Variants in XKR9 observed in about 807,000 individuals in gnomAD.
XKR9 encodes XK-related protein 9.
A neutral mutation model predicts 32.0 loss-of-function variants in XKR9; 32 were observed. That is an observed-to-expected ratio of 1.00 (90% CI 0.76 to 1.34). The LOEUF (loss-of-function observed/expected upper bound fraction) is 1.34. Among genes scored for constraint, XKR9 ranks in the 40% most tolerant of loss-of-function variants. XKR9 has a pLI of 0.00. For missense variants in XKR9, 546 were observed against 429.7 expected (o/e 1.27, Z -2.39); for synonymous variants, 168 against 143.4 (o/e 1.17, Z -1.22).
At chr8:70,738,343 A>G (rs1043915852), downstream of XKR9, among the ~76,000 whole-genome samples, 3 of 143,600 alleles carry the variant, frequency 2.1e-5, no homozygotes, top group African/African-American at 7.6e-5. Context: ...TATTGTGTCT[A>G]TTTGATTCTT....
At chr8:70,800,094 C>A in the XKR9 span, among the ~76,000 whole-genome samples, 2 of 152,118 alleles carry the variant, frequency 1.3e-5, no homozygotes, top group Admixed American at 1.3e-4. Context: ...TTATCAAAAG[C>A]CTTTTCTGCA....
At chr8:70,942,814 A>G in the XKR9 span, among the ~76,000 whole-genome samples, 1 of 152,106 alleles carries the variant, frequency 6.6e-6, no homozygotes. Context: ...TAAGCTCTTA[A>G]TTACTAGATG....
chr8:71,003,807 T>G, the XKR9 span, among the ~76,000 whole-genome samples: 2 of 152,212 alleles, frequency 1.3e-5, no homozygotes, highest in Non-Finnish European at 2.9e-5. Context: ...GTGATTGATA[T>G]CTACTGGTTC....
the XKR9 span, among the ~76,000 whole-genome samples, chr8:70,938,167 G>A: frequency 6.6e-6 from 1 of 151,986 alleles, no homozygotes; most frequent in African/African-American, 2.4e-5. Flanking sequence ...TTTGATTTGG[G>A]TTTTGAAGAG....
the XKR9 span, among the ~76,000 whole-genome samples, chr8:70,814,588 C>T: frequency 2.0e-5 from 3 of 151,408 alleles, no homozygotes; most frequent in African/African-American, 7.3e-5. Flanking sequence ...CTAGAAAGAA[C>T]ATATCTAAAA....
At chr8:71,054,872 A>T in the XKR9 span, among the ~76,000 whole-genome samples, 991 of 152,340 alleles carry the variant, frequency 6.5e-3, 11 homozygotes, top group African/African-American at 0.022. Context: ...CAAGAAACTG[A>T]CTAGACAAAT....
intron 2 of XKR9, among the ~76,000 whole-genome samples, chr8:70,778,378 C>T (rs1807562686): frequency 6.6e-6 from 1 of 152,070 alleles, no homozygotes; most frequent in Admixed American, 6.6e-5. Context: ...AGTCAGGTAG[C>T]CTGATGCCTC....
At chr8:70,718,073 T>C (rs952482476) in intron 4 of XKR9, among the ~76,000 whole-genome samples, 25 of 152,160 alleles carry the variant, frequency 1.6e-4, no homozygotes, top group African/African-American at 6.0e-4. Flanking sequence ...ATCAGCATTT[T>C]GGTCAAAGGC....
chr8:70,962,642 C>T, the XKR9 span, among the ~76,000 whole-genome samples: 1 of 152,114 alleles, frequency 6.6e-6, no homozygotes, highest in Non-Finnish European at 1.5e-5. Flanking sequence ...ATGTCTTTGC[C>T]ATTGTGAATA....
chr8:70,995,178 G>A, the XKR9 span, among the ~76,000 whole-genome samples: 1 of 152,162 alleles, frequency 6.6e-6, no homozygotes, highest in African/African-American at 2.4e-5. Flanking sequence ...ACGATAAGTG[G>A]CTGAGAGAAA....
At chr8:71,058,038 G>A in the XKR9 span, among the ~76,000 whole-genome samples, 1,131 of 152,088 alleles carry the variant, frequency 7.4e-3, 18 homozygotes, top group African/African-American at 0.025. Flanking sequence ...AAAATTAGCC[G>A]GGTGTGGTGG....
the XKR9 span, among the ~76,000 whole-genome samples, chr8:70,988,885 T>C: frequency 6.6e-6 from 1 of 152,228 alleles, no homozygotes; most frequent in African/African-American, 2.4e-5. Context: ...GTTTTGACTT[T>C]AGATACTTAT....
chr8:70,715,104 G>A (rs1430035739), intron 4 of XKR9, among the ~76,000 whole-genome samples: 2 of 152,052 alleles, frequency 1.3e-5, no homozygotes, highest in Non-Finnish European at 2.9e-5. Context: ...GGGAATAAAA[G>A]GGCTGTTGAC....
At chr8:70,950,964 G>A in the XKR9 span, among the ~76,000 whole-genome samples, 3 of 152,254 alleles carry the variant, frequency 2.0e-5, no homozygotes, top group Admixed American at 6.5e-5. Context: ...GTGAGCCACC[G>A]CACCTGGCCT....
chr8:70,685,648 A>G (rs1316454191), intron 3 of XKR9, among the ~76,000 whole-genome samples: 1 of 148,114 alleles, frequency 6.8e-6, no homozygotes, highest in Non-Finnish European at 1.5e-5. Flanking sequence ...AAAACCAAAC[A>G]CCGCATGTTC....
At chr8:70,997,165 C>A in the XKR9 span, among the ~76,000 whole-genome samples, 1 of 152,072 alleles carries the variant, frequency 6.6e-6, no homozygotes, top group African/African-American at 2.4e-5. Flanking sequence ...GGCATTGTGG[C>A]AGGCACCTGT....
rs1807695709 is a variant in XKR9 at position 70,786,882 on chromosome 8, T to C, written n.353-2457T>C. On this transcript the variant is annotated intron_variant and non_coding_transcript_variant, in intron 2 of 3. Transcript: ENST00000520273. ...TACTGTCTTCCTTCGTGGTTGATGG[T>C]TTTTCTGTAGTAGTATGCTTTGAAT... is the stretch of plus-strand genomic sequence containing the variant. Among the ~76,000 whole-genome samples, 3 of 152,282 alleles carry C rather than the reference T, an allele frequency of 2.0e-5. No individual in the cohort carries two copies. The South Asian group carries it at 6.2e-4, about 32-fold the overall frequency.
chr8:70,820,469 A>G, the XKR9 span, among the ~76,000 whole-genome samples: 1 of 152,204 alleles, frequency 6.6e-6, no homozygotes, highest in African/African-American at 2.4e-5. Context: ...GATAGCAGGC[A>G]TGTTATACAA....
chr8:70,776,923 T>TTCTCTCTC (rs369388439), intron 2 of XKR9, among the ~76,000 whole-genome samples: 913 of 59,590 alleles, frequency 0.015, 31 homozygotes, highest in African/African-American at 0.019. Context: ...TTCTCTTTCT[T>TTCTCTCTC]TCTCTCTCTC....
Sources: gnomAD v4.1 joint callset for allele counts (sites outside exome capture counted in the v4.1 genomes callset) on GRCh38, gnomAD v4.1.1 for gene constraint, MANE v1.5 for transcripts, NCBI Gene and HGNC (gene_info 2026-07-23, HGNC 2026-07-21) for gene names.